ERG: variants seen among roughly 807,000 people sequenced by gnomAD.
ERG encodes transcriptional regulator ERG.
A neutral mutation model predicts 55.3 loss-of-function variants in ERG; 9 were observed. The ratio of observed to expected loss-of-function variants is 0.16; its 90% CI spans 0.10 to 0.28. ERG has a LOEUF of 0.28. ERG is among the 10% of genes least tolerant of loss of function. ERG has a pLI of 1.00. For synonymous variants in ERG, 223 were observed against 237.3 expected, an observed-to-expected ratio of 0.94 and a Z score of 0.55; for missense variants, 434 against 631.6, an observed-to-expected ratio of 0.69 and a Z score of 3.35.
At position 38,383,598 on chromosome 21, in the gene ERG, G is replaced by A. The variant is rs1220679680; in HGVS notation, c.1245C>T (p.Leu415=). The part of the protein sequence containing the change: ...ESSLYKYPSD[L]PYMGSYHAHP... ...GGGCGTGATAGGAGCCCATGTACGG[G>A]AGGTCTGAGGGGTACTTGTACAGAG... The change falls in exon 10 of 10, where the codon CTC becomes CTT. Residue 415 remains leucine (L), a synonymous_variant. Coordinates refer to ENST00000288319, the MANE Select transcript of ERG (RefSeq NM_182918.4). The surrounding 1 kb of genome is among the most constrained non-coding windows in gnomAD (Gnocchi z 5.7). The A allele has an allele frequency of 6.2e-7, 1 of 1,612,074 alleles. No individual in the cohort carries two copies. The highest frequency in any genetic ancestry group is 2.2e-5 in the East Asian group (1 of 44,814).
intron 1 of ERG, among the ~76,000 whole-genome samples, chr21:38,660,852 CGCGCGTGTCCGTGT>C (rs995574068): frequency 5.3e-5 from 8 of 151,902 alleles, no homozygotes; most frequent in Non-Finnish European, 2.9e-5. Flanking sequence ...TCTTCGAGTG[CGCGCGTGTCCGTGT>C]GCGCGTGGGT....
At position 38,382,665 on chromosome 21, in the gene ERG, G is replaced by A. The variant is rs753546646; in HGVS notation, c.*738C>T. On this transcript the variant is annotated 3_prime_UTR_variant, in exon 10 of 10. Coordinates refer to ENST00000288319, the MANE Select transcript of ERG (RefSeq NM_182918.4). ...TTGAGAAGTTTCTTTCCCAGCCCTG[G>A]TCTCCTCCTTCTCTGCCTCTTCCTC... 46 of 1,066,984 alleles carry A rather than the reference G, an allele frequency of 4.3e-5. No homozygotes were observed. The highest frequency in any genetic ancestry group is 5.2e-5 in the Non-Finnish European group (46 of 880,176). 66.1% of individuals were successfully genotyped at this position (1,066,984 alleles called of 1,614,324 possible).
chr21:38,606,043 ATGATAAATGAT>A (rs1160863698), intron 1 of ERG, among the ~76,000 whole-genome samples: 1 of 150,776 alleles, frequency 6.6e-6, no homozygotes, highest in Admixed American at 6.6e-5. Context: ...TAGATGATAA[ATGATAAATGAT>A]TGATAAATGA....
At chr21:38,556,467 G>T (rs1052862288) in intron 2 of ERG, among the ~76,000 whole-genome samples, 1 of 152,106 alleles carries the variant, frequency 6.6e-6, no homozygotes, top group Non-Finnish European at 1.5e-5. Context: ...AGGAGATAGG[G>T]CATATGAGCC....
intron 2 of ERG, among the ~76,000 whole-genome samples, chr21:38,427,295 G>C (rs1029252109): frequency 6.6e-6 from 1 of 152,056 alleles, no homozygotes; most frequent in African/African-American, 2.4e-5. Flanking sequence ...GGCTGGTCTC[G>C]AACTCCTGAC....
In ERG at chr21:38,381,414, T is replaced by C. The variant is rs1005328909; in HGVS notation, c.*1989A>G. 4 of 1,063,032 alleles carry C rather than the reference T, an allele frequency of 3.8e-6. No homozygotes were observed. The African/African-American group carries it at 6.6e-5, about 17-fold the overall frequency. The allele number at this position is 1,063,032 out of a possible 1,614,324, so 65.8% of individuals were successfully genotyped here. A position where few individuals can be genotyped will look rare whatever the true frequency, so the allele number is the denominator to read the frequency against. ...CTCTAGATTATGGAAATAAACATTG[T>C]CTTCAAGGGATAGCCAGCAACATCA... On this transcript the variant is annotated 3_prime_UTR_variant, in exon 10 of 10. Coordinates refer to ENST00000288319, the MANE Select transcript of ERG (RefSeq NM_182918.4).
chr21:38,386,592 G>A (rs918111150), intron 9 of ERG, among the ~76,000 whole-genome samples: 1 of 152,144 alleles, frequency 6.6e-6, no homozygotes, highest in Non-Finnish European at 1.5e-5. Context: ...TGTGTGACGA[G>A]GTGCATTTTA....
intron 1 of ERG, among the ~76,000 whole-genome samples, chr21:38,479,109 CTAT>C (rs1287764137): frequency 6.6e-6 from 1 of 152,196 alleles, no homozygotes; most frequent in African/African-American, 2.4e-5. Context: ...TTTATTTTGA[CTAT>C]TATGCTGGAT....
intron 2 of ERG, among the ~76,000 whole-genome samples, chr21:38,569,745 G>A (rs1385241981): frequency 6.6e-6 from 1 of 151,776 alleles, no homozygotes; most frequent in African/African-American, 2.4e-5. Context: ...TGAGTTATGT[G>A]GTTTTTTTTC....
intron 9 of ERG, among the ~76,000 whole-genome samples, chr21:38,389,962 G>C (rs1267368599): frequency 6.6e-6 from 1 of 150,986 alleles, no homozygotes; most frequent in Admixed American, 6.6e-5. Flanking sequence ...TTGCAGGGAT[G>C]TACACTGATT....
chr21:38,458,536 A>C (rs937825523), intron 1 of ERG, among the ~76,000 whole-genome samples: 7 of 152,194 alleles, frequency 4.6e-5, no homozygotes, highest in Non-Finnish European at 8.8e-5. Flanking sequence ...ATGCCAATTC[A>C]GTATTTCTGC....
chr21:38,475,133 C>T (rs957761499), intron 1 of ERG, among the ~76,000 whole-genome samples: 1 of 152,034 alleles, frequency 6.6e-6, no homozygotes, highest in African/African-American at 2.4e-5. Context: ...GAACATAATG[C>T]ACCAAATGGC....
chr21:38,510,003 C>T (rs1002836227), intron 2 of ERG, among the ~76,000 whole-genome samples: 1 of 152,162 alleles, frequency 6.6e-6, no homozygotes, highest in African/African-American at 2.4e-5. Context: ...GTGGGCCTGG[C>T]TGATCACTGG....
At chr21:38,373,356 A>T in the ERG span, among the ~76,000 whole-genome samples, 1 of 152,242 alleles carries the variant, frequency 6.6e-6, no homozygotes, top group Non-Finnish European at 1.5e-5. Context: ...TGAGAAGTTC[A>T]ATTTAAACTA....
rs561829371 is a variant in ERG, at chr21:38,529,284, G to A, written c.-41+46378C>T. ...TATAGGAAGCCAAGAGGAGAGGCAG[G>A]GAGATGAGGGAGGGGTGACTTCAGT... On this transcript the variant is annotated intron_variant, in intron 2 of 8. Transcript: ENST00000398897. 6.8e-4 allele frequency among the ~76,000 whole-genome samples: 103 copies of A among 152,304 alleles called. No individual in the cohort carries two copies. In the Middle Eastern group the frequency reaches 0.044, roughly 65 times the overall value.
At chr21:38,613,657 C>A (rs1247067733) in intron 1 of ERG, among the ~76,000 whole-genome samples, 2 of 152,174 alleles carry the variant, frequency 1.3e-5, no homozygotes, top group African/African-American at 2.4e-5. Flanking sequence ...CTGATCCATT[C>A]CAATCAACAC....
chr21:38,471,682 C>T (rs926018024), intron 1 of ERG: 1 of 152,132 alleles, frequency 6.6e-6, no homozygotes, highest in Non-Finnish European at 1.5e-5. Context: ...CAAATCATTG[C>T]TTAATTTTGT....
chr21:38,455,107 T>C (rs2058975208), intron 1 of ERG, among the ~76,000 whole-genome samples: 1 of 40,424 alleles, frequency 2.5e-5, no homozygotes. Context: ...TCTTTCTTTC[T>C]TTCTTTCTTT....
Position 38,392,425 on chromosome 21 carries a change from G to T in ERG, c.765C>A (p.Pro255=), listed in dbSNP as rs746242730. The T allele has an allele frequency of 6.4e-7, 1 of 1,553,426 alleles. No individual in the cohort carries two copies. ...TTRPDLPYEP[P]RRSAWTGHGH... is the part of the protein sequence containing the mutation. ...CGTGACCGGTCCAGGCTGATCTCCT[G>T]GGGGGCTCATATGGTAAATCTGTAA... Residue 255 remains proline, a synonymous_variant, in exon 7 of 10, where the codon CCC becomes CCA. Coordinates refer to ENST00000288319, the MANE Select transcript of ERG (RefSeq NM_182918.4).
Sources: allele counts gnomAD v4.1 joint callset (sites outside exome capture counted in the v4.1 genomes callset), GRCh38; gene constraint gnomAD v4.1.1; non-coding constraint Gnocchi (gnomAD v3.1); transcripts MANE v1.5; gene names NCBI Gene and HGNC (gene_info 2026-07-23, HGNC 2026-07-21).